Variants in CUX1 observed in about 807,000 individuals in gnomAD.
CUX1 encodes the protein cut like homeobox 1.
CUX1 carries 31 observed loss-of-function variants against 158.8 expected under a neutral mutation model. That is an observed-to-expected ratio of 0.20 (90% CI 0.15 to 0.26). The LOEUF (loss-of-function observed/expected upper bound fraction) is 0.26. CUX1 is among the 10% of genes least tolerant of loss of function. The probability of loss-of-function intolerance (pLI) is 1.00; values close to 1 mark genes in which losing one functional copy is unlikely to be tolerated. For missense variants in CUX1, 1,589 were observed against 2,014.6 expected, an observed-to-expected ratio of 0.79 and a Z score of 4.04; for synonymous variants, 879 against 862.1, an observed-to-expected ratio of 1.02 and a Z score of -0.34.
intron 2 of CUX1, among the ~76,000 whole-genome samples, chr7:101,987,722 G>T (rs550526092): frequency 2.0e-5 from 3 of 152,346 alleles, no homozygotes; most frequent in Admixed American, 6.5e-5. Flanking sequence ...TTGGTCATCC[G>T]AGGGAGGACT....
chr7:102,252,657 A>G lies in CUX1; in HGVS notation c.*3615A>G. On this transcript the variant is annotated 3_prime_UTR_variant, in exon 24 of 24. Transcript: ENST00000292535. ...CCCAAGCTCCCTTGTGATAGCCGAGATGGCAGGTGTGTGAGTTCTGTCCTA... is the reference window on the plus strand; with the variant it reads ...CCCAAGCTCCCTTGTGATAGCCGAGGTGGCAGGTGTGTGAGTTCTGTCCTA... The G allele has an allele frequency of 3.0e-6, 3 of 985,400 alleles. No individual in the cohort carries two copies. The highest frequency in any genetic ancestry group is 3.6e-6 in the Non-Finnish European group (3 of 829,940). 61.0% of individuals were successfully genotyped at this position (985,400 alleles called of 1,614,324 possible).
rs201253063 is a variant in CUX1 at position 101,850,405 on chromosome 7, T to TTTTC, written c.30+32752_30+32755dup. ...CACCCAAGAGCAGCCCTGGTTTTCT[T>TTTTC]TTTCTTTCTTTCTTTCTTTTTTTTT... On this transcript the variant is annotated intron_variant, in intron 1 of 23. Transcript: ENST00000292535. Among the ~76,000 whole-genome samples, 339 of 145,222 alleles carry TTTTC rather than the reference T, an allele frequency of 2.3e-3. 9 individuals are homozygous for TTTTC. The highest frequency in any genetic ancestry group is 9.0e-3 in the African/African-American group (324 of 36,132).
chr7:102,135,406 G>C (rs782293543), intron 8 of CUX1, among the ~76,000 whole-genome samples: 1 of 152,104 alleles, frequency 6.6e-6, no homozygotes, highest in African/African-American at 2.4e-5. Context: ...GGCCAAGGAA[G>C]AGGAGGGTTG....
At chr7:101,868,580 C>T (rs1287144962) in intron 1 of CUX1, among the ~76,000 whole-genome samples, 2 of 152,192 alleles carry the variant, frequency 1.3e-5, no homozygotes, top group African/African-American at 2.4e-5. Context: ...CAGCCCTGTG[C>T]CCTGTGTCCA....
chr7:101,858,711 G>T (rs544186625), intron 1 of CUX1, among the ~76,000 whole-genome samples: 1 of 148,230 alleles, frequency 6.7e-6, no homozygotes, highest in African/African-American at 2.5e-5. Flanking sequence ...TGTGGCCCAG[G>T]CTGGAGTGCA....
chr7:102,074,093 T>C (rs889477228), intron 4 of CUX1, among the ~76,000 whole-genome samples: 2 of 152,220 alleles, frequency 1.3e-5, no homozygotes, highest in Non-Finnish European at 2.9e-5. Context: ...GGCTGAGGCT[T>C]ACAGGAAGGG....
downstream of CUX1, among the ~76,000 whole-genome samples, chr7:102,262,702 A>AT (rs1249913745): frequency 6.6e-6 from 1 of 152,080 alleles, no homozygotes; most frequent in African/African-American, 2.4e-5. Flanking sequence ...CATCAGACGG[A>AT]TTGCAAAGAG....
rs560991793 is a variant in CUX1, at chr7:102,178,564, A to G, written c.924A>G (p.Arg308=). 3.1e-6 allele frequency: 5 copies of G among 1,612,822 alleles called. No individual in the cohort carries two copies. In the African/African-American group the frequency reaches 6.7e-5, roughly 22 times the overall value. Residue 308 remains arginine, a synonymous_variant, in exon 11 of 24, where the codon AGA becomes AGG. Transcript: ENST00000292535. ...CACAGCTGGTGGAGGACGTGCAGAG[A>G]CTCCAGGCCAGCCTCACCAAGCTGC... ...EIAQLVEDVQ[R]LQASLTKLRE...
intron 22 of CUX1, among the ~76,000 whole-genome samples, chr7:102,238,752 T>C (rs1336009750): frequency 6.6e-6 from 1 of 152,196 alleles, no homozygotes. Context: ...TCTCTCTGGA[T>C]ACTTCTCTGC....
chr7:102,254,813 G>A lies in CUX1; in HGVS notation c.*5771G>A. 1 of 985,490 alleles carries A rather than the reference G, an allele frequency of 1.0e-6. No homozygotes were observed. Among genetic ancestry groups the A allele is most frequent in the Non-Finnish European group, 1.2e-6 (1 of 829,954 alleles). The allele number at this position is 985,490 out of a possible 1,614,324, so 61.0% of individuals were successfully genotyped here. The stretch of plus-strand genomic sequence containing the variant: ...GGATCTCAGCGTGTACTGAATGCCA[G>A]TCTGGCCGGCACACTCGAACGCTAA... On this transcript the variant is annotated 3_prime_UTR_variant, in exon 24 of 24. Transcript: ENST00000292535.
At chr7:101,929,154 CTA>C (rs1806004813) in intron 2 of CUX1, among the ~76,000 whole-genome samples, 1 of 151,882 alleles carries the variant, frequency 6.6e-6, no homozygotes, top group African/African-American at 2.4e-5. Flanking sequence ...CCAGCCTAGG[CTA>C]CAGAGTGAGA....
chr7:102,256,544 G>A lies in CUX1; in HGVS notation c.*7502G>A. ...GTTTCCCCAGCAAAATCAAACACCT[G>A]TCTCCAGAGTAGCCACTCAAAAACT... On this transcript the variant is annotated 3_prime_UTR_variant, in exon 24 of 24. Coordinates refer to ENST00000292535, the MANE Select transcript of CUX1 (RefSeq NM_181552.4). 5.1e-6 allele frequency: 5 copies of A among 985,420 alleles called. No individual in the cohort carries two copies. Among genetic ancestry groups the A allele is most frequent in the Non-Finnish European group, 6.0e-6 (5 of 829,928 alleles). The allele number at this position is 985,420 out of a possible 1,614,324, so 61.0% of individuals were successfully genotyped here.
chr7:101,839,203 A>T (rs1794944460), intron 1 of CUX1, among the ~76,000 whole-genome samples: 1 of 152,132 alleles, frequency 6.6e-6, no homozygotes, highest in African/African-American at 2.4e-5. Context: ...TATGAATTTG[A>T]GGGGGGTGGA....
At chr7:102,106,663 A>G (rs1296667039) in intron 6 of CUX1, among the ~76,000 whole-genome samples, 1 of 152,170 alleles carries the variant, frequency 6.6e-6, no homozygotes, top group East Asian at 1.9e-4. Flanking sequence ...CTGAGTACAG[A>G]TTATGAGTAC....
rs1376932980 is a variant in CUX1 at position 102,070,434 on chromosome 7, A to G, written c.268+17A>G. On this transcript the variant is annotated intron_variant, in intron 4 of 23. Transcript: ENST00000292535. ...ACGTCCCAGGTAAGCCCCGGCAGTA[A>G]TGGCCCACCAGTGGGGGGCGTTGTG... 6.3e-7 allele frequency: 1 copy of G among 1,598,078 alleles called. No homozygotes were observed. Among genetic ancestry groups the G allele is most frequent in the Non-Finnish European group, 8.5e-7 (1 of 1,172,486 alleles).
intron 1 of CUX1, among the ~76,000 whole-genome samples, chr7:101,847,943 A>C (rs1037966856): frequency 1.3e-5 from 2 of 150,598 alleles, no homozygotes; most frequent in Non-Finnish European, 2.9e-5. Flanking sequence ...CTGTAATCCC[A>C]GCTACTCAGG....
chr7:101,951,490 T>G (rs1184714948), intron 2 of CUX1, among the ~76,000 whole-genome samples: 1 of 151,914 alleles, frequency 6.6e-6, no homozygotes, highest in Non-Finnish European at 1.5e-5. Context: ...CAAAACTCAT[T>G]GACTGGGCAA....
At chr7:101,921,250 G>A (rs1322497295) in intron 2 of CUX1, among the ~76,000 whole-genome samples, 2 of 152,100 alleles carry the variant, frequency 1.3e-5, no homozygotes, top group Non-Finnish European at 2.9e-5. Flanking sequence ...TCGCAGGGTT[G>A]CTGTGTGCAC....
intron 2 of CUX1, among the ~76,000 whole-genome samples, chr7:101,968,918 G>C (rs544607768): frequency 1.0e-3 from 159 of 152,270 alleles, no homozygotes; most frequent in Non-Finnish European, 6.9e-4. Context: ...CATTGGTAAA[G>C]GGTCTGGTCA....
Sources: gnomAD v4.1 joint callset for allele counts (sites outside exome capture counted in the v4.1 genomes callset) on GRCh38, gnomAD v4.1.1 for gene constraint, MANE v1.5 for transcripts, NCBI Gene and HGNC (gene_info 2026-07-23, HGNC 2026-07-21) for gene names.